LTBP1: variants seen among roughly 807,000 people sequenced by gnomAD.
LTBP1 encodes latent-transforming growth factor beta-binding protein 1.
LTBP1 carries 129 observed loss-of-function variants against 207.6 expected under a neutral mutation model. That is an observed-to-expected ratio of 0.62 (90% CI 0.54 to 0.72). The LOEUF (loss-of-function observed/expected upper bound fraction) is 0.72. Ranked by LOEUF, LTBP1 falls within the 30% of genes least tolerant of loss-of-function variation. The pLI, the probability that LTBP1 is intolerant of heterozygous loss-of-function variation, is 0.00. For synonymous variants in LTBP1, 963 were observed against 833.7 expected, an observed-to-expected ratio of 1.16 and a Z score of -2.67; for missense variants, 2,281 against 2,217.2, an observed-to-expected ratio of 1.03 and a Z score of -0.58.
intron 31 of LTBP1, among the ~76,000 whole-genome samples, chr2:33,383,236 C>T (rs970514713): frequency 2.6e-5 from 4 of 152,148 alleles, no homozygotes; most frequent in African/African-American, 4.8e-5. Flanking sequence ...ATCTGTAGTC[C>T]CAGCTACTCG....
Position 33,149,228 on chromosome 2 carries a change from C to CAAAAAAAAAAAAAAA in LTBP1, c.1201+14281_1201+14295dup, listed in dbSNP as rs58303103. 9.7e-5 allele frequency among the ~76,000 whole-genome samples: 8 copies of CAAAAAAAAAAAAAAA among 82,802 alleles called. 1 individual carries two copies. Among genetic ancestry groups the CAAAAAAAAAAAAAAA allele is most frequent in the African/African-American group, 1.4e-4 (3 of 21,186 alleles). 54.3% of individuals were successfully genotyped at this position (82,802 alleles called of 152,430 possible). ...AGACTCCGTCTCACTCACAAAAAAA[C>CAAAAAAAAAAAAAAA]AAAAAAAAAAAAAAAAAAAAAAAAA... On this transcript the variant is annotated intron_variant, in intron 5 of 33. Transcript: ENST00000404816.
chr2:33,046,605 A>G (rs1211951763), intron 3 of LTBP1, among the ~76,000 whole-genome samples: 1 of 152,150 alleles, frequency 6.6e-6, no homozygotes, highest in Non-Finnish European at 1.5e-5. Flanking sequence ...AGGTTTTGGT[A>G]TCAGGATGAT....
intron 20 of LTBP1, among the ~76,000 whole-genome samples, chr2:33,295,056 G>A (rs895957317): frequency 2.0e-5 from 3 of 151,628 alleles, no homozygotes; most frequent in Non-Finnish European, 2.9e-5. Flanking sequence ...TTTTAATTCT[G>A]AAAAGGCTTA....
At chr2:33,003,911 C>T (rs1221926725) in intron 2 of LTBP1, among the ~76,000 whole-genome samples, 1 of 152,160 alleles carries the variant, frequency 6.6e-6, no homozygotes, top group Non-Finnish European at 1.5e-5. Context: ...GGACATCTGC[C>T]CAGCAACTGC....
intron 5 of LTBP1, among the ~76,000 whole-genome samples, chr2:33,174,180 A>T (rs2085773813): frequency 1.4e-5 from 2 of 146,178 alleles, no homozygotes; most frequent in Non-Finnish European, 1.5e-5. Context: ...AGAAGGAAAT[A>T]AAGGGTATTC....
At chr2:33,184,249 T>G (rs1470295908) in intron 5 of LTBP1, among the ~76,000 whole-genome samples, 5 of 152,158 alleles carry the variant, frequency 3.3e-5, no homozygotes, top group Non-Finnish European at 7.3e-5. Context: ...CTTTACTTAA[T>G]CCTCTGCTTG....
intron 4 of LTBP1, among the ~76,000 whole-genome samples, chr2:33,133,980 AAG>A (rs2150574791): frequency 6.6e-6 from 1 of 152,202 alleles, no homozygotes; most frequent in South Asian, 2.1e-4. Flanking sequence ...TTTCGTTTTT[AAG>A]AGAAGGCCAC....
chr2:33,031,689 G>T (rs558167354), intron 3 of LTBP1, among the ~76,000 whole-genome samples: 1 of 152,192 alleles, frequency 6.6e-6, no homozygotes, highest in African/African-American at 2.4e-5. Flanking sequence ...ACAGGTGGAC[G>T]ATAGGGTGGG....
In LTBP1 at chr2:32,973,839, A is replaced by G. The variant is rs139074801; in HGVS notation, c.565+24894A>G. On this transcript the variant is annotated intron_variant, in intron 2 of 33. Coordinates refer to ENST00000404816, the MANE Select transcript of LTBP1 (RefSeq NM_206943.4). ...TTAGACACCACAAATAACTGAGAAC[A>G]TGTGATATTTGTCTTTTTGTGCCTG... is the stretch of plus-strand genomic sequence containing the variant. 4.7e-3 allele frequency among the ~76,000 whole-genome samples: 710 copies of G among 152,316 alleles called. 9 individuals carry two copies. The highest frequency in any genetic ancestry group is 0.016 in the African/African-American group (685 of 41,574).
chr2:33,083,330 GA>G (rs538687413), intron 3 of LTBP1, among the ~76,000 whole-genome samples: 1 of 151,206 alleles, frequency 6.6e-6, no homozygotes, highest in Admixed American at 6.6e-5. Context: ...GTACCAGAAA[GA>G]AAAAAAAATT....
chr2:33,254,553 T>TTG (rs1553469983), intron 11 of LTBP1, among the ~76,000 whole-genome samples: 1 of 148,608 alleles, frequency 6.7e-6, no homozygotes, highest in Admixed American at 6.6e-5. Flanking sequence ...AACTTGGTTT[T>TTG]TTTTTTTTTT....
At chr2:33,323,401 C>G (rs2094383864) in intron 24 of LTBP1, among the ~76,000 whole-genome samples, 1 of 152,152 alleles carries the variant, frequency 6.6e-6, no homozygotes, top group Admixed American at 6.5e-5. Context: ...CTTTGGGAGG[C>G]CGAAACAGGC....
intron 5 of LTBP1, among the ~76,000 whole-genome samples, chr2:33,184,047 A>C (rs2086930949): frequency 1.3e-5 from 2 of 151,738 alleles, no homozygotes; most frequent in African/African-American, 4.8e-5. Context: ...AGTTCCACTG[A>C]TTTTCCCTCC....
At chr2:32,979,336 A>G (rs1682395777) in intron 2 of LTBP1, among the ~76,000 whole-genome samples, 2 of 152,076 alleles carry the variant, frequency 1.3e-5, no homozygotes, top group South Asian at 4.1e-4. Context: ...TCATAGCTAT[A>G]AATTTTCCTT....
At chr2:33,137,723 TTTGA>T (rs1233526833) in intron 5 of LTBP1, among the ~76,000 whole-genome samples, 1 of 150,476 alleles carries the variant, frequency 6.6e-6, no homozygotes, top group African/African-American at 2.4e-5. Flanking sequence ...TGTTTGTTTG[TTTGA>T]GGATGTGGAA....
At chr2:33,222,587 A>G (rs2091184101) in intron 9 of LTBP1, among the ~76,000 whole-genome samples, 1 of 152,214 alleles carries the variant, frequency 6.6e-6, no homozygotes, top group Non-Finnish European at 1.5e-5. Context: ...CTCAGGAACT[A>G]GATATCAGAG....
At chr2:33,347,921 A>G (rs952019803) in intron 26 of LTBP1, among the ~76,000 whole-genome samples, 1 of 152,242 alleles carries the variant, frequency 6.6e-6, no homozygotes, top group Admixed American at 6.5e-5. Context: ...TAAAAGCAAC[A>G]TATAGGCCTC....
At chr2:33,030,487 G>A (rs531377138) in intron 3 of LTBP1, among the ~76,000 whole-genome samples, 5 of 152,110 alleles carry the variant, frequency 3.3e-5, no homozygotes, top group African/African-American at 7.2e-5. Context: ...AACCATTTCC[G>A]TGTAGTGAGG....
chr2:33,208,576 GC>G (rs1333985769), intron 7 of LTBP1, among the ~76,000 whole-genome samples: 2 of 152,122 alleles, frequency 1.3e-5, no homozygotes, highest in African/African-American at 4.8e-5. Context: ...GGCTGTGGCA[GC>G]ATGGAATCTA....
Sources: allele counts gnomAD v4.1 joint callset (sites outside exome capture counted in the v4.1 genomes callset), GRCh38; gene constraint gnomAD v4.1.1; transcripts MANE v1.5; gene names NCBI Gene and HGNC (gene_info 2026-07-23, HGNC 2026-07-21).